EPHA4: variants seen among roughly 807,000 people sequenced by gnomAD.
EPHA4 encodes the protein ephrin type-A receptor 4.
In EPHA4, 19 loss-of-function variants were observed where a neutral mutation model predicts 108.3. The ratio of observed to expected loss-of-function variants is 0.18; its 90% confidence interval spans 0.12 to 0.26. The LOEUF is 0.26. Ranked by LOEUF, EPHA4 falls within the 10% of genes least tolerant of loss-of-function variation. The probability of loss-of-function intolerance (pLI) is 1.00; values close to 1 mark genes in which losing one functional copy is unlikely to be tolerated. For synonymous variants in EPHA4, 449 were observed against 455.5 expected (o/e 0.99, Z 0.18); for missense variants, 917 against 1,254.0 (o/e 0.73, Z 4.06).
intron 4 of EPHA4, among the ~76,000 whole-genome samples, chr2:221,496,417 G>T (rs561295944): frequency 6.6e-6 from 1 of 152,110 alleles, no homozygotes; most frequent in African/African-American, 2.4e-5. Context: ...GACAATACAG[G>T]TCCATTATAT....
rs372918809 is a variant in EPHA4, at chr2:221,453,163, A to G, written c.1715+2384T>C. Among the ~76,000 whole-genome samples the G allele has an allele frequency of 1.1e-4, 16 of 152,356 alleles. No individual in the cohort carries two copies. In the East Asian group the frequency reaches 2.9e-3, roughly 28 times the overall value. Reference sequence around the variant, plus strand: ...CAAAGAGATGGTCAAGACACAAGGCAAGGCCTACTTTCTGCAGAGAAGTGC... The same window carrying G: ...CAAAGAGATGGTCAAGACACAAGGCGAGGCCTACTTTCTGCAGAGAAGTGC... On this transcript the variant is annotated intron_variant, in intron 8 of 17. Coordinates refer to ENST00000281821, the MANE Select transcript of EPHA4 (RefSeq NM_004438.5).
intron 3 of EPHA4, among the ~76,000 whole-genome samples, chr2:221,516,052 A>G (rs1692979799): frequency 6.6e-6 from 1 of 151,992 alleles, no homozygotes; most frequent in East Asian, 1.9e-4. Context: ...CAGATGGATG[A>G]TCACCTTCAT....
chr2:221,446,591 A>G (rs1281509079), intron 8 of EPHA4, among the ~76,000 whole-genome samples: 2 of 152,114 alleles, frequency 1.3e-5, no homozygotes, highest in African/African-American at 4.8e-5. Context: ...TTAAATTTCC[A>G]TGAGTAATTC....
chr2:221,486,735 AAATAATAAT>A (rs34218724), intron 4 of EPHA4, among the ~76,000 whole-genome samples: 252 of 139,004 alleles, frequency 1.8e-3, no homozygotes, highest in African/African-American at 3.6e-3. Context: ...CTCTGTCTCA[AAATAATAAT>A]AATAATAATA....
Position 221,530,165 on chromosome 2 carries a change from C to CT in EPHA4, c.824-28994dup, listed in dbSNP as rs550017406. On this transcript the variant is annotated intron_variant, in intron 3 of 17. Transcript: ENST00000281821. The stretch of plus-strand genomic sequence containing the variant: ...ATTAGAACAAGGTTCTCTCTCCCTG[C>CT]TTTTTTTTTTTTCTCTTAAAAAAAA... Among the ~76,000 whole-genome samples the CT allele has an allele frequency of 3.7e-3, 535 of 143,834 alleles. 2 individuals carry two copies. Among genetic ancestry groups the CT allele is most frequent in the African/African-American group, 9.1e-3 (361 of 39,544 alleles). 94.4% of individuals were successfully genotyped at this position (143,834 alleles called of 152,430 possible). A position where few individuals can be genotyped will look rare whatever the true frequency, so the allele number is the denominator to read the frequency against.
chr2:221,519,916 C>T (rs779920187), intron 3 of EPHA4, among the ~76,000 whole-genome samples: 18 of 152,096 alleles, frequency 1.2e-4, no homozygotes, highest in South Asian at 8.4e-4. Flanking sequence ...GTCCTAGCCT[C>T]GCCCTTTCTC....
chr2:221,513,344 A>G (rs1692887292), intron 3 of EPHA4, among the ~76,000 whole-genome samples: 1 of 152,258 alleles, frequency 6.6e-6, no homozygotes, highest in Admixed American at 6.5e-5. Flanking sequence ...GGCCAGACCA[A>G]GAGAAACACA....
At chr2:221,524,122 C>T (rs1693252492) in intron 3 of EPHA4, among the ~76,000 whole-genome samples, 1 of 152,160 alleles carries the variant, frequency 6.6e-6, no homozygotes, top group Non-Finnish European at 1.5e-5. Flanking sequence ...GAGGGCAATG[C>T]AAAGTTCATG....
At chr2:221,546,501 C>A (rs961598213) in intron 3 of EPHA4, among the ~76,000 whole-genome samples, 4 of 151,738 alleles carry the variant, frequency 2.6e-5, no homozygotes, top group Admixed American at 6.6e-5. Context: ...CTCTTCCCAT[C>A]TGATATTTAT....
At chr2:221,464,927 A>C (rs965740325) in intron 5 of EPHA4, among the ~76,000 whole-genome samples, 14 of 152,230 alleles carry the variant, frequency 9.2e-5, no homozygotes, top group Non-Finnish European at 2.1e-4. Context: ...ACACAAAAAC[A>C]TAGAACCAAA....
intron 9 of EPHA4, among the ~76,000 whole-genome samples, chr2:221,445,039 T>C (rs1690550395): frequency 6.6e-6 from 1 of 152,180 alleles, no homozygotes; most frequent in Non-Finnish European, 1.5e-5. Context: ...ATTACAGGCA[T>C]AAGCCACTGT....
chr2:221,560,353 C>G (rs747837131), intron 3 of EPHA4, among the ~76,000 whole-genome samples: 2 of 152,106 alleles, frequency 1.3e-5, no homozygotes, highest in African/African-American at 2.4e-5. Flanking sequence ...TCTTTACACC[C>G]TCTTTCTTGT....
At chr2:221,566,932 G>GGGAAGAGGA (rs1559297276) in intron 2 of EPHA4, among the ~76,000 whole-genome samples, 1 of 25,172 alleles carries the variant, frequency 4.0e-5, no homozygotes, top group Non-Finnish European at 6.8e-5. Flanking sequence ...GAAGGAGAAG[G>GGGAAGAGGA]AGAAGGAGAA....
chr2:221,563,473 C>G (rs751189420), intron 3 of EPHA4, among the ~76,000 whole-genome samples: 10 of 152,202 alleles, frequency 6.6e-5, no homozygotes, highest in African/African-American at 9.6e-5. Flanking sequence ...GAGGGCGCAT[C>G]AAGCCAGTTC....
intron 3 of EPHA4, among the ~76,000 whole-genome samples, chr2:221,527,022 GAGGCTA>G (rs1283135372): frequency 4.6e-5 from 7 of 151,730 alleles, no homozygotes; most frequent in Admixed American, 1.3e-4. Context: ...AGCTACTCAG[GAGGCTA>G]AGGCAGGAGA....
rs1246444341 is a variant in EPHA4, at chr2:221,566,870, A to AG, written c.159+1847dup. Among the ~76,000 whole-genome samples, 149 of 71,942 alleles carry AG rather than the reference A, an allele frequency of 2.1e-3. 2 individuals are homozygous for AG. Among genetic ancestry groups the AG allele is most frequent in the African/African-American group, 7.0e-3 (108 of 15,460 alleles). The allele number at this position is 71,942 out of a possible 152,430, so 47.2% of individuals were successfully genotyped here. ...AAGGAGAAGGAGAAGAAGAAGAAGA[A>AG]GAAGAAGGAGAAGGAGAAGGAGAAG... On this transcript the variant is annotated intron_variant, in intron 2 of 17. Coordinates refer to ENST00000281821, the MANE Select transcript of EPHA4 (RefSeq NM_004438.5).
At chr2:221,460,418 G>A (rs1390420182) in intron 5 of EPHA4, among the ~76,000 whole-genome samples, 6 of 152,176 alleles carry the variant, frequency 3.9e-5, no homozygotes. Flanking sequence ...TTCACAAAAA[G>A]TATTGTGTTG....
At chr2:221,553,278 G>A (rs768422952) in intron 3 of EPHA4, among the ~76,000 whole-genome samples, 4 of 152,120 alleles carry the variant, frequency 2.6e-5, no homozygotes, top group African/African-American at 9.7e-5. Context: ...AGTTAGTTGC[G>A]AACGGTTATT....
intron 3 of EPHA4, chr2:221,533,146 G>A (rs1264909531): frequency 6.6e-6 from 1 of 152,106 alleles, no homozygotes; most frequent in African/African-American, 2.4e-5. Context: ...CATACATATG[G>A]CCTTGGCATA....
Sources: gnomAD v4.1 joint callset for allele counts (sites outside exome capture counted in the v4.1 genomes callset) on GRCh38, gnomAD v4.1.1 for gene constraint, MANE v1.5 for transcripts, NCBI Gene and HGNC (gene_info 2026-07-23, HGNC 2026-07-21) for gene names.